The following FAT2 variants were observed in gnomAD, a reference collection of about 807,000 sequenced individuals.
FAT2 encodes the protein FAT atypical cadherin 2.
FAT2 carries 150 observed loss-of-function variants against 295.3 expected under a neutral mutation model. The observed-to-expected ratio is 0.51, with a 90% CI of 0.44 to 0.58. The LOEUF is 0.58. Among genes scored for constraint, FAT2 ranks in the 20% least tolerant of loss-of-function variants. FAT2 has a pLI of 0.00. For synonymous variants in FAT2, 2,026 were observed against 2,150.3 expected (o/e 0.94, Z 1.60); for missense variants, 4,868 against 5,442.7 (o/e 0.89, Z 3.32).
intron 2 of FAT2, 122 bp downstream of exon 2, chr5:151,565,551 T>C: frequency 6.4e-6 from 6 of 942,286 alleles, no homozygotes; most frequent in East Asian, 2.7e-5. Flanking sequence ...AATCCCTATT[T>C]ATTGCCTTTC....
In FAT2 at chr5:151,551,525, C is replaced by A. The variant is rs1757212918; in HGVS notation, c.4238G>T (p.Arg1413Met). Reference protein sequence around the residue: ...VIARPLDTRRRSNYNLTVEVT... With the variant: ...VIARPLDTRRMSNYNLTVEVT... ...CTCAACAGTCAAGTTATAGTTCGAC[C>A]TTCTCCTGGTATCAAGAGGCCTGGC... The change falls in exon 7 of 24, where the codon AGG becomes ATG. Residue 1413 changes from arginine (R) to methionine (M), a missense_variant. Arg to Met is a moderately conservative substitution (Grantham distance 91). Around this residue, in one of 5 missense-constraint regions of FAT2, gnomAD observed 3,297 missense variants for 3,669.4 expected, o/e 0.90. Transcript: ENST00000261800. The A allele has an allele frequency of 6.2e-7, 1 of 1,614,200 alleles. No homozygotes were observed. Among genetic ancestry groups the A allele is most frequent in the Non-Finnish European group, 8.5e-7 (1 of 1,180,034 alleles).
intron 1 of FAT2, among the ~76,000 whole-genome samples, chr5:151,570,858 G>C (rs1047740269): frequency 2.8e-4 from 42 of 152,204 alleles, no homozygotes; most frequent in African/African-American, 9.9e-4. Context: ...GTGTGAACTG[G>C]GCACAGGGTT....
intron 16 of FAT2, 110 bp from the exon 17 acceptor site, chr5:151,527,487 ATGCCCACCCCCAC>A: frequency 9.0e-7 from 1 of 1,117,212 alleles, no homozygotes; most frequent in African/African-American, 1.6e-5. Flanking sequence ...ACACTTTCCT[ATGCCCACCCCCAC>A]TGCCCACCCG....
At chr5:151,537,317 A>AG (rs1561841982) in intron 12 of FAT2, among the ~76,000 whole-genome samples, 7,108 of 93,286 alleles carry the variant, frequency 0.076, 198 homozygotes, top group African/African-American at 0.12. Flanking sequence ...AAGAAAAAGA[A>AG]AGAGAAAAAA....
Position 151,512,586 on chromosome 5 carries a change from C to T in FAT2, c.11484G>A (p.Gln3828=), listed in dbSNP as rs2127570952. 6.2e-7 allele frequency: 1 copy of T among 1,610,342 alleles called. No homozygotes were observed. The highest frequency in any genetic ancestry group is 8.5e-7 in the Non-Finnish European group (1 of 1,177,786). Residue 3828 remains glutamine (Q), a synonymous_variant, in exon 21 of 24, where the codon CAG becomes CAA. Coordinates refer to ENST00000261800, the MANE Select transcript of FAT2 (RefSeq NM_001447.3). The surrounding 1 kb of genome is among the most constrained non-coding windows in gnomAD (Gnocchi z 4.1). ...AACCACCCAGACAGTGGTATTCCAG[C>T]TGGGGCACTCCACTGGCCAGCTGCA... The part of the protein sequence containing the change: ...VSLKLASGVP[Q]LEYHCLGGFY...
chr5:151,539,510 G>A (rs1755882051), intron 11 of FAT2, among the ~76,000 whole-genome samples: 1 of 152,182 alleles, frequency 6.6e-6, no homozygotes, highest in South Asian at 2.1e-4. Context: ...ATATGCATAG[G>A]TATTTGCCTG....
Position 151,521,913 on chromosome 5 carries a change from G to C in FAT2, c.10680C>G (p.Pro3560=), listed in dbSNP as rs1481546706. 5.0e-6 allele frequency: 8 copies of C among 1,613,890 alleles called. No homozygotes were observed. The South Asian group carries it at 8.8e-5, about 18-fold the overall frequency. The change falls in exon 19 of 24, where the codon CCC becomes CCG. Residue 3560 remains proline, a synonymous_variant. Coordinates refer to ENST00000261800, the MANE Select transcript of FAT2 (RefSeq NM_001447.3). ...CCAGGCTATAGGTCAGCGTGTCCTG[G>C]GGGTCTCGGTCTGTGGCATGGATCT... The part of the protein sequence containing the change: ...VGKIHATDRD[P]QDTLTYSLAE...
At chr5:151,550,281 T>C (rs1757067970) in intron 8 of FAT2, among the ~76,000 whole-genome samples, 1 of 152,190 alleles carries the variant, frequency 6.6e-6, no homozygotes, top group South Asian at 2.1e-4. Flanking sequence ...CCCTTCCAGC[T>C]CTGACATTAC....
rs1411157106 is a variant in FAT2, at chr5:151,505,406, G to A, written c.*159C>T. Reference sequence around the variant, plus strand: ...GCTTCCCTCCACCCTCAGGGACTAGGTGGGGGATTGGAAGAGCACATTTCA... The same window carrying A: ...GCTTCCCTCCACCCTCAGGGACTAGATGGGGGATTGGAAGAGCACATTTCA... On this transcript the variant is annotated 3_prime_UTR_variant, in exon 24 of 24. Transcript: ENST00000261800. The A allele has an allele frequency of 1.9e-5, 16 of 830,336 alleles. No homozygotes were observed. Among genetic ancestry groups the A allele is most frequent in the East Asian group, 2.7e-5 (1 of 37,514 alleles). The allele number at this position is 830,336 out of a possible 1,614,324, so 51.4% of individuals were successfully genotyped here.
rs1230953169 is a variant in FAT2, at chr5:151,505,943, C to T, written c.12672G>A (p.Gly4224=). Residue 4224 remains glycine, a synonymous_variant, in exon 24 of 24, where the codon GGG becomes GGA. Transcript: ENST00000261800. ...CCATCTCCAGGGGGAAGGGGAAGCC[C>T]CCATAGAGGCCATTAGGCTCTGGCA... The part of the protein sequence containing the change: ...VVMPEPNGLY[G]GFPFPLEMEN... The T allele has an allele frequency of 6.3e-7, 1 of 1,579,438 alleles. No homozygotes were observed. Among genetic ancestry groups the T allele is most frequent in the Non-Finnish European group, 8.6e-7 (1 of 1,166,010 alleles).
intron 18 of FAT2, among the ~76,000 whole-genome samples, chr5:151,525,285 T>TC (rs1753872079): frequency 6.6e-6 from 1 of 152,116 alleles, no homozygotes; most frequent in East Asian, 1.9e-4. Context: ...ATGAAACCCA[T>TC]AACACCACCA....
chr5:151,566,575 T>C lies in FAT2; in HGVS notation c.2357A>G (p.Tyr786Cys). ...GTCATATACTGTTACATTGAGGATG[T>C]AGAAATTGGTGGCTTCATAGTCCAA... ...APLDYEATNF[Y>C]ILNVTVYDLG... The change falls in exon 2 of 24, where the codon TAC (tyrosine) becomes TGC (cysteine). Residue 786 changes from tyrosine (Y) to cysteine (C), a missense_variant. By Grantham distance (194) the Tyr-to-Cys change is radical. Coordinates refer to ENST00000261800, the MANE Select transcript of FAT2 (RefSeq NM_001447.3). 6.2e-7 allele frequency: 1 copy of C among 1,614,100 alleles called. No homozygotes were observed. Among genetic ancestry groups the C allele is most frequent in the African/African-American group, 1.3e-5 (1 of 75,040 alleles).
intron 23 of FAT2, among the ~76,000 whole-genome samples, chr5:151,506,382 C>T (rs577864292): frequency 6.6e-6 from 1 of 152,208 alleles, no homozygotes; most frequent in Non-Finnish European, 1.5e-5. Flanking sequence ...ATGCAACCCA[C>T]CCCCACAGCT....
rs1456256551 is a variant in FAT2, at chr5:151,540,738, G to T, written c.8868C>A (p.Gly2956=). 1.2e-6 allele frequency: 2 copies of T among 1,614,058 alleles called. No individual in the cohort carries two copies. Among genetic ancestry groups the T allele is most frequent in the South Asian group, 2.2e-5 (2 of 91,054 alleles). Residue 2956 remains glycine (G), a synonymous_variant, in exon 11 of 24, where the codon GGC becomes GGA. Transcript: ENST00000261800. ...ITEGDPLGQF[G]ISQVGDEWRI... is the part of the protein sequence containing the mutation. ...TCCACTCATCTCCAACTTGGCTGATGCCAAACTGGCCCAGGGGGTCTCCCT... is the reference window on the plus strand; with the variant it reads ...TCCACTCATCTCCAACTTGGCTGATTCCAAACTGGCCCAGGGGGTCTCCCT...
chr5:151,544,606 G>A lies in FAT2; in HGVS notation c.6521C>T (p.Pro2174Leu), dbSNP rs762665440. The part of the protein sequence containing the change: ...RNKSNPLFQS[P>L]YYKVRVPENI... ...TTCAGGTACTCTGACTTTGTAATAA[G>A]GACTCTGAAACAGTGGGTTGGATTT... is the stretch of plus-strand genomic sequence containing the variant. The change falls in exon 10 of 24, where the codon CCT becomes CTT. Residue 2174 changes from proline to leucine, a missense_variant. Around this residue, in one of 5 missense-constraint regions of FAT2, gnomAD observed 3,297 missense variants for 3,669.4 expected, o/e 0.90. Transcript: ENST00000261800. 52 of 1,614,000 alleles carry A rather than the reference G, an allele frequency of 3.2e-5. No individual in the cohort carries two copies. Among genetic ancestry groups the A allele is most frequent in the Non-Finnish European group, 3.9e-5 (46 of 1,180,040 alleles).
chr5:151,581,112 A>C (rs1025027123), intron 1 of FAT2, among the ~76,000 whole-genome samples: 2 of 152,176 alleles, frequency 1.3e-5, no homozygotes, highest in Admixed American at 6.5e-5. Flanking sequence ...GAGAGGGGCT[A>C]CCTGTGTTGG....
Position 151,563,615 on chromosome 5 carries a change from A to AG in FAT2, c.3283dup (p.Leu1095ProfsTer28). Reference sequence around the variant, plus strand: ...GTAGTAAGATGCAAATTCTCGGTCCAGGGGTGCCAGAGTCTGAATCATTCC... The same window carrying AG: ...GTAGTAAGATGCAAATTCTCGGTCCAGGGGGTGCCAGAGTCTGAATCATTCC... On this transcript the variant is annotated frameshift_variant, in exon 3 of 24. Transcript: ENST00000261800. LOFTEE classifies it high-confidence loss of function. 6.2e-7 allele frequency: 1 copy of AG among 1,614,136 alleles called. No homozygotes were observed. The highest frequency in any genetic ancestry group is 8.5e-7 in the Non-Finnish European group (1 of 1,180,024).
At chr5:151,580,629 C>T (rs1758915681) in intron 1 of FAT2, among the ~76,000 whole-genome samples, 1 of 152,170 alleles carries the variant, frequency 6.6e-6, no homozygotes. Flanking sequence ...TTGTGACGTT[C>T]CTTCTCTCTT....
At chr5:151,525,095 A>C (rs1010755804) in intron 18 of FAT2, among the ~76,000 whole-genome samples, 3 of 152,274 alleles carry the variant, frequency 2.0e-5, no homozygotes, top group African/African-American at 7.2e-5. Context: ...GTAGATGCTC[A>C]ATAAATACTT....
Sources: allele counts gnomAD v4.1 joint callset (sites outside exome capture counted in the v4.1 genomes callset), GRCh38; gene constraint gnomAD v4.1.1; regional missense constraint gnomAD v4.1.1; non-coding constraint Gnocchi (gnomAD v3.1); transcripts MANE v1.5; gene names NCBI Gene and HGNC (gene_info 2026-07-23, HGNC 2026-07-21).